Variants in ACOXL observed in about 807,000 individuals in gnomAD.
ACOXL encodes the protein acyl-coenzyme A oxidase-like protein.
In ACOXL, 70 loss-of-function variants were observed where a neutral mutation model predicts 71.9. The ratio of observed to expected loss-of-function variants is 0.97; its 90% confidence interval spans 0.80 to 1.19. The LOEUF (loss-of-function observed/expected upper bound fraction) is 1.19. Ranked by LOEUF, ACOXL falls within the 50% of genes most tolerant of loss-of-function variation. The probability of loss-of-function intolerance (pLI) is 0.00; values close to 1 mark genes in which losing one functional copy is unlikely to be tolerated. For missense variants in ACOXL, 703 were observed against 736.3 expected (o/e 0.95, Z 0.52); for synonymous variants, 253 against 281.6 (o/e 0.90, Z 1.02).
chr2:110,773,132 A>G (rs1348902128), intron 2 of ACOXL, among the ~76,000 whole-genome samples: 1 of 152,252 alleles, frequency 6.6e-6, no homozygotes. Flanking sequence ...TCAGCAGATC[A>G]GAGGGGAACT....
At chr2:110,950,049 T>C (rs1431229207) in intron 12 of ACOXL, among the ~76,000 whole-genome samples, 2 of 152,000 alleles carry the variant, frequency 1.3e-5, no homozygotes, top group Non-Finnish European at 2.9e-5. Context: ...TTTTATTTTA[T>C]GTTATTTTAT....
At chr2:111,019,459 T>A (rs1047304157) in intron 14 of ACOXL, among the ~76,000 whole-genome samples, 1 of 152,210 alleles carries the variant, frequency 6.6e-6, no homozygotes, top group African/African-American at 2.4e-5. Context: ...GACTCTTCAT[T>A]TGACACAAAA....
chr2:111,028,910 C>T (rs763394477), intron 14 of ACOXL, among the ~76,000 whole-genome samples: 9 of 152,200 alleles, frequency 5.9e-5, no homozygotes, highest in Admixed American at 3.3e-4. Flanking sequence ...GGAACTAACT[C>T]ACTCTCAGTC....
At chr2:110,814,200 G>A (rs1489986208) in intron 9 of ACOXL, among the ~76,000 whole-genome samples, 2 of 152,198 alleles carry the variant, frequency 1.3e-5, no homozygotes, top group Admixed American at 1.3e-4. Context: ...GTTAGTGGCT[G>A]GGCCAGAATC....
chr2:110,782,706 A>G (rs1481679357), intron 2 of ACOXL, among the ~76,000 whole-genome samples: 3 of 152,220 alleles, frequency 2.0e-5, no homozygotes, highest in African/African-American at 4.8e-5. Flanking sequence ...CCGCAGTTGG[A>G]CACCATTAAT....
chr2:110,948,275 G>A (rs980454102), intron 12 of ACOXL, among the ~76,000 whole-genome samples: 35 of 152,178 alleles, frequency 2.3e-4, no homozygotes, highest in Admixed American at 2.2e-3. Context: ...AATCCATCCG[G>A]GCAGCGACTG....
chr2:111,003,550 CAAAAAAAAAA>C (rs548001377), intron 14 of ACOXL, among the ~76,000 whole-genome samples: 393 of 35,340 alleles, frequency 0.011, 9 homozygotes, highest in South Asian at 0.09. Flanking sequence ...GACTCTGTCT[CAAAAAAAAAA>C]AAAAAAAAAA....
At chr2:110,756,577 TTTTA>T (rs1679731553) in intron 1 of ACOXL, among the ~76,000 whole-genome samples, 1 of 152,204 alleles carries the variant, frequency 6.6e-6, no homozygotes, top group Non-Finnish European at 1.5e-5. Context: ...TACTTTGTGG[TTTTA>T]TTTTTCTTCA....
At chr2:110,761,826 G>A (rs189501939) in intron 1 of ACOXL, among the ~76,000 whole-genome samples, 16 of 152,110 alleles carry the variant, frequency 1.1e-4, no homozygotes, top group Non-Finnish European at 1.6e-4. Flanking sequence ...ACTTTTTCCC[G>A]TTTTTAGGTG....
intron 1 of ACOXL, among the ~76,000 whole-genome samples, chr2:110,742,002 ACT>A (rs988025200): frequency 2.6e-5 from 4 of 152,010 alleles, no homozygotes; most frequent in Non-Finnish European, 5.9e-5. Flanking sequence ...TCCCTGTCAG[ACT>A]CTGTGCCCCC....
At chr2:110,747,258 A>G (rs1353976031) in intron 1 of ACOXL, among the ~76,000 whole-genome samples, 1 of 151,996 alleles carries the variant, frequency 6.6e-6, no homozygotes, top group African/African-American at 2.4e-5. Flanking sequence ...TTGGGTTTGG[A>G]TGGGTGAGTT....
In ACOXL at chr2:110,958,049, C is replaced by CAA. The variant is rs35899146; in HGVS notation, c.1059+24425_1059+24426dup. On this transcript the variant is annotated intron_variant, in intron 12 of 17. Coordinates refer to ENST00000439055, the MANE Select transcript of ACOXL (RefSeq NM_001142807.4). Reference sequence around the variant, plus strand: ...TGGGTGACAGAGTGAGACTCCGTCTCAAAAAAAAAAAAAAAAAAAGGAATT... The same window carrying CAA: ...TGGGTGACAGAGTGAGACTCCGTCTCAAAAAAAAAAAAAAAAAAAAAGGAATT... Among the ~76,000 whole-genome samples the CAA allele has an allele frequency of 1.7e-3, 161 of 95,982 alleles. 3 individuals are homozygous for CAA. Among genetic ancestry groups the CAA allele is most frequent in the East Asian group, 0.015 (56 of 3,810 alleles). 63.0% of individuals were successfully genotyped at this position (95,982 alleles called of 152,430 possible).
chr2:110,841,247 A>G, intron 9 of ACOXL, 124 bp from the exon 10 acceptor site: 1 of 662,460 alleles, frequency 1.5e-6, no homozygotes, highest in Non-Finnish European at 2.6e-6. Context: ...TTTTTGAAGC[A>G]TTAGCTGTAG....
intron 14 of ACOXL, among the ~76,000 whole-genome samples, chr2:111,003,519 C>T (rs1181112506): frequency 8.2e-6 from 1 of 121,234 alleles, no homozygotes; most frequent in Non-Finnish European, 1.6e-5. Context: ...CCACTGCACT[C>T]CAGCCTGGGC....
chr2:111,091,377 G>C (rs1030978798), intron 16 of ACOXL, among the ~76,000 whole-genome samples: 1 of 152,144 alleles, frequency 6.6e-6, no homozygotes, highest in Non-Finnish European at 1.5e-5. Context: ...AGATGGACTA[G>C]ATTATTTCTA....
At chr2:111,112,160 T>C (rs986732811) in intron 17 of ACOXL, among the ~76,000 whole-genome samples, 6 of 152,226 alleles carry the variant, frequency 3.9e-5, no homozygotes, top group African/African-American at 1.4e-4. Flanking sequence ...ATAATTTAAA[T>C]TGATTCAGAG....
At chr2:110,801,929 G>A in intron 8 of ACOXL, among the ~76,000 whole-genome samples, 1 of 152,270 alleles carries the variant, frequency 6.6e-6, no homozygotes, top group East Asian at 1.9e-4. Flanking sequence ...TGTTGTCCAG[G>A]CATAATGACT....
chr2:111,114,181 A>C (rs541256957), intron 17 of ACOXL: 1 of 152,844 alleles, frequency 6.5e-6, no homozygotes, highest in South Asian at 2.1e-4. Context: ...GTTCAACAGG[A>C]CTAGGATGTC....
At chr2:110,993,136 TTAGTTA>T (rs1273117654) in intron 13 of ACOXL, among the ~76,000 whole-genome samples, 1 of 152,208 alleles carries the variant, frequency 6.6e-6, no homozygotes, top group Non-Finnish European at 1.5e-5. Context: ...AGTTACATAT[TTAGTTA>T]TAGTTCTTCT....
Sources: allele counts gnomAD v4.1 joint callset (sites outside exome capture counted in the v4.1 genomes callset), GRCh38; gene constraint gnomAD v4.1.1; transcripts MANE v1.5; gene names NCBI Gene and HGNC (gene_info 2026-07-23, HGNC 2026-07-21).